The following DENND2C variants were observed in gnomAD, a reference collection of about 807,000 sequenced individuals.
DENND2C encodes DENN domain-containing protein 2C.
Under a neutral mutation model 112.4 loss-of-function variants are expected in DENND2C, and 72 were observed. The observed-to-expected ratio is 0.64, with a 90% confidence interval of 0.53 to 0.78. The LOEUF is 0.78. Among genes scored for constraint, DENND2C ranks in the 30% least tolerant of loss-of-function variants. The pLI, the probability that DENND2C is intolerant of heterozygous loss-of-function variation, is 0.00. For synonymous variants in DENND2C, 329 were observed against 381.6 expected, an observed-to-expected ratio of 0.86 and a Z score of 1.61; for missense variants, 992 against 1,113.8, an observed-to-expected ratio of 0.89 and a Z score of 1.56.
chr1:114,659,166 T>G (rs756431960), intron 1 of DENND2C, among the ~76,000 whole-genome samples: 10 of 152,160 alleles, frequency 6.6e-5, no homozygotes, highest in Non-Finnish European at 1.5e-4. Flanking sequence ...TCTCTATATT[T>G]TATTTTGTTC....
rs140228770 is a variant in DENND2C at position 114,616,568 on chromosome 1, C to A, written c.1324+1818G>T. Reference sequence around the variant, plus strand: ...TTTTCACACTGCTGATAAAGACATACCCAAGGCTGGGCATGGTGGCTCATG... The same window carrying A: ...TTTTCACACTGCTGATAAAGACATAACCAAGGCTGGGCATGGTGGCTCATG... On this transcript the variant is annotated intron_variant, in intron 8 of 20. Coordinates refer to ENST00000393274, the MANE Select transcript of DENND2C (RefSeq NM_001256404.2). Among the ~76,000 whole-genome samples the A allele has an allele frequency of 3.1e-3, 468 of 151,772 alleles. 1 individual carries two copies. Among genetic ancestry groups the A allele is most frequent in the Admixed American group, 6.1e-3 (93 of 15,234 alleles).
chr1:114,647,494 C>T (rs1277284583), intron 2 of DENND2C, among the ~76,000 whole-genome samples: 3 of 152,032 alleles, frequency 2.0e-5, no homozygotes, highest in Admixed American at 6.6e-5. Flanking sequence ...CTAATATTCT[C>T]CTGGTTTCTC....
intron 20 of DENND2C, among the ~76,000 whole-genome samples, chr1:114,586,464 T>C (rs1330003716): frequency 5.3e-5 from 8 of 152,286 alleles, no homozygotes; most frequent in African/African-American, 1.9e-4. Flanking sequence ...AAACATATCA[T>C]GAAATAAATA....
At position 114,625,914 on chromosome 1, in the gene DENND2C, T is replaced by G. The variant is rs758919037; in HGVS notation, c.71A>C (p.Lys24Thr). The stretch of plus-strand genomic sequence containing the variant: ...AGCCCTTCCTTCCCATTGAGAAATT[T>G]TTTGTTTGATGTTTTTGCAGTGGCT... ...SRSHCKNIKQ[K>T]ISQWEGRANG... The change falls in exon 4 of 21, where the codon AAA (lysine) becomes ACA (threonine). Residue 24 changes from lysine to threonine, a missense_variant. Physicochemically the swap from Lys to Thr is moderately conservative, Grantham distance 78. Coordinates refer to ENST00000393274, the MANE Select transcript of DENND2C (RefSeq NM_001256404.2). The G allele has an allele frequency of 5.0e-6, 8 of 1,614,104 alleles. No homozygotes were observed. The Middle Eastern group carries it at 6.6e-4, about 133-fold the overall frequency.
At chr1:114,636,068 C>A (rs1001705742) in intron 3 of DENND2C, among the ~76,000 whole-genome samples, 3 of 150,426 alleles carry the variant, frequency 2.0e-5, no homozygotes, top group African/African-American at 7.3e-5. Context: ...AAATCAAACT[C>A]ATAAATAAAT....
intron 3 of DENND2C, among the ~76,000 whole-genome samples, chr1:114,628,178 A>G (rs950263781): frequency 1.3e-5 from 2 of 151,868 alleles, no homozygotes; most frequent in Admixed American, 6.6e-5. Flanking sequence ...TTAGCTGTGC[A>G]TGGTGGCATG....
chr1:114,665,690 C>T (rs1033116109), intron 1 of DENND2C, among the ~76,000 whole-genome samples: 2 of 152,164 alleles, frequency 1.3e-5, no homozygotes, highest in African/African-American at 2.4e-5. Flanking sequence ...TTTAAAAGAA[C>T]AGGACTCATT....
chr1:114,603,001 T>G (rs1655556211), intron 11 of DENND2C, among the ~76,000 whole-genome samples: 1 of 152,236 alleles, frequency 6.6e-6, no homozygotes, highest in Non-Finnish European at 1.5e-5. Context: ...GGCAAAGGAT[T>G]ATATCCTTAA....
At chr1:114,594,411 A>G (rs1298101524) in intron 18 of DENND2C, 62 bp downstream of exon 18, 7 of 1,333,410 alleles carry the variant, frequency 5.2e-6, no homozygotes, top group Non-Finnish European at 7.5e-6. Flanking sequence ...AGTGCTGGGC[A>G]TTCAGTAAAT....
At chr1:114,641,755 A>G (rs1656842085) in intron 3 of DENND2C, among the ~76,000 whole-genome samples, 1 of 152,166 alleles carries the variant, frequency 6.6e-6, no homozygotes, top group Non-Finnish European at 1.5e-5. Context: ...CCTTTATAGC[A>G]ACGCACAATG....
chr1:114,649,918 A>G (rs1029014143), intron 2 of DENND2C, among the ~76,000 whole-genome samples: 3 of 152,244 alleles, frequency 2.0e-5, no homozygotes, highest in Non-Finnish European at 4.4e-5. Flanking sequence ...CAACATGGTC[A>G]CTGGGACATT....
At position 114,602,197 on chromosome 1, in the gene DENND2C, G is replaced by A; in HGVS notation, c.1668-3C>T. On this transcript the variant is annotated splice_region_variant and splice_polypyrimidine_tract_variant and intron_variant, in intron 11 of 20. Transcript: ENST00000393274. ...TCAAGACAAAGGAGAATGTTTCACTGAAAAAAGAGCCAATAGTTAGTTTAG... is the reference window on the plus strand; with the variant it reads ...TCAAGACAAAGGAGAATGTTTCACTAAAAAAAGAGCCAATAGTTAGTTTAG... The A allele has an allele frequency of 6.2e-7, 1 of 1,612,254 alleles. No homozygotes were observed. Among genetic ancestry groups the A allele is most frequent in the South Asian group, 1.1e-5 (1 of 90,718 alleles).
intron 16 of DENND2C, among the ~76,000 whole-genome samples, chr1:114,597,169 C>T (rs375602846): frequency 2.6e-5 from 4 of 152,118 alleles, no homozygotes; most frequent in African/African-American, 7.2e-5. Context: ...TAACGCCAGG[C>T]GCAGTGGCTC....
rs1259217911 is a variant in DENND2C, at chr1:114,600,980, T to G, written c.1816-20A>C. 1 of 1,605,198 alleles carries G rather than the reference T, an allele frequency of 6.2e-7. No individual in the cohort carries two copies. Among genetic ancestry groups the G allele is most frequent in the Admixed American group, 1.7e-5 (1 of 58,606 alleles). ...CAGAATCTATATACGCAAAGTGTTA[T>G]TTTATTATGGACTAAGTTAAAAAAT... On this transcript the variant is annotated intron_variant, in intron 13 of 20. Coordinates refer to ENST00000393274, the MANE Select transcript of DENND2C (RefSeq NM_001256404.2).
At chr1:114,615,932 G>A (rs1265725166) in intron 8 of DENND2C, among the ~76,000 whole-genome samples, 13 of 151,958 alleles carry the variant, frequency 8.6e-5, no homozygotes, top group African/African-American at 2.2e-4. Flanking sequence ...AAAATTAGCC[G>A]GGTGTGGTGG....
chr1:114,633,683 A>G (rs938383629), intron 3 of DENND2C, among the ~76,000 whole-genome samples: 4 of 152,162 alleles, frequency 2.6e-5, no homozygotes, highest in African/African-American at 9.6e-5. Context: ...ATGCCAAAAA[A>G]GCAGGGGAGT....
chr1:114,628,278 G>C (rs1051877796), intron 3 of DENND2C, among the ~76,000 whole-genome samples: 4 of 148,770 alleles, frequency 2.7e-5, no homozygotes, highest in African/African-American at 1.0e-4. Flanking sequence ...TATGATCACA[G>C]CATTGCAATT....
Position 114,618,467 on chromosome 1 carries a change from C to A in DENND2C, c.1243G>T (p.Asp415Tyr). 6.3e-7 allele frequency: 1 copy of A among 1,579,374 alleles called. No individual in the cohort carries two copies. Among genetic ancestry groups the A allele is most frequent in the Non-Finnish European group, 8.6e-7 (1 of 1,165,226 alleles). ...CCTCTTTTAGATTCAAATATGTCAT[C>A]TATTTTCAATACAAGCTGAAAAAAG... ...KNLPRLVLKI[D>Y]DIFESKRGKK... The change falls in exon 8 of 21, where the codon GAT (aspartate) becomes TAT (tyrosine). Residue 415 changes from aspartate (D) to tyrosine (Y), a missense_variant. By Grantham distance (160) the Asp-to-Tyr change is radical (BLOSUM62 -3). Around this residue, in one of 3 missense-constraint regions of DENND2C, gnomAD observed 6 missense variants for 17.5 expected, o/e 0.34. Transcript: ENST00000393274.
chr1:114,661,791 A>G (rs1456853686), intron 1 of DENND2C, among the ~76,000 whole-genome samples: 1 of 152,230 alleles, frequency 6.6e-6, no homozygotes, highest in Non-Finnish European at 1.5e-5. Flanking sequence ...TAATAATGAA[A>G]CAACAAATTT....
Sources: gnomAD v4.1 joint callset for allele counts (sites outside exome capture counted in the v4.1 genomes callset) on GRCh38, gnomAD v4.1.1 for gene constraint, gnomAD v4.1.1 regional missense constraint, MANE v1.5 for transcripts, NCBI Gene and HGNC (gene_info 2026-07-23, HGNC 2026-07-21) for gene names.